The following MTCL1 variants were observed in gnomAD, a reference collection of about 807,000 sequenced individuals.
The protein encoded by MTCL1 is microtubule cross-linking factor 1.
In MTCL1, 79 loss-of-function variants were observed where a neutral mutation model predicts 141.4. That is an observed-to-expected ratio of 0.56 (90% confidence interval 0.47 to 0.67). The LOEUF (loss-of-function observed/expected upper bound fraction) is 0.67, where lower values mean the gene tolerates loss of function less well. Among genes scored for constraint, MTCL1 ranks in the 30% least tolerant of loss-of-function variants. The pLI, the probability that MTCL1 is intolerant of heterozygous loss-of-function variation, is 0.00. For missense variants in MTCL1, 2,177 were observed against 2,113.9 expected (o/e 1.03, Z -0.59); for synonymous variants, 914 against 875.8 (o/e 1.04, Z -0.77).
rs759925127 is a variant in MTCL1 at position 8,786,195 on chromosome 18, G to A, written c.1887+104G>A. Reference sequence around the variant, plus strand: ...CCCGGACGAGGCCCTGAGGGAACATGGCAGGAGGAGGTGGAACTAGGTGGA... The same window carrying A: ...CCCGGACGAGGCCCTGAGGGAACATAGCAGGAGGAGGTGGAACTAGGTGGA... On this transcript the variant is annotated intron_variant, in intron 7 of 16. Transcript: ENST00000359865. 7.6e-5 allele frequency: 99 copies of A among 1,294,182 alleles called. 2 individuals carry two copies. In the African/African-American group the frequency reaches 1.2e-3, roughly 16 times the overall value. 80.2% of individuals were successfully genotyped at this position (1,294,182 alleles called of 1,614,324 possible). A position where few individuals can be genotyped will look rare whatever the true frequency, so the allele number is the denominator to read the frequency against.
At chr18:8,737,862 C>G (rs1391041221) in intron 4 of MTCL1, among the ~76,000 whole-genome samples, 1 of 152,184 alleles carries the variant, frequency 6.6e-6, no homozygotes, top group South Asian at 2.1e-4. Flanking sequence ...GGCCGGTGGG[C>G]TGGCTTTCCT....
chr18:8,789,782 G>A, intron 7 of MTCL1: 1 of 858,536 alleles, frequency 1.2e-6, no homozygotes, highest in Non-Finnish European at 1.4e-6. Context: ...GGGTGGTAAA[G>A]GGAAATATTT....
chr18:8,816,109 T>C (rs180926201), intron 12 of MTCL1, among the ~76,000 whole-genome samples: 2 of 152,352 alleles, frequency 1.3e-5, no homozygotes, highest in Non-Finnish European at 2.9e-5. Flanking sequence ...GAAAAGAGGA[T>C]GTTGGTTCAA....
At chr18:8,760,135 A>T (rs1315204386) in intron 4 of MTCL1, among the ~76,000 whole-genome samples, 1 of 152,142 alleles carries the variant, frequency 6.6e-6, no homozygotes, top group South Asian at 2.1e-4. Flanking sequence ...TCCATCTGGA[A>T]CGCGAGAGCG....
At chr18:8,712,942 A>G (rs11081406), upstream of MTCL1, among the ~76,000 whole-genome samples, 317 of 152,356 alleles carry the variant, frequency 2.1e-3, 2 homozygotes, top group African/African-American at 7.0e-3. Context: ...TGGGTATTTA[A>G]AAGAGATTAA....
chr18:8,805,823 G>A (rs2076280817), intron 10 of MTCL1, among the ~76,000 whole-genome samples: 1 of 152,204 alleles, frequency 6.6e-6, no homozygotes, highest in Non-Finnish European at 1.5e-5. Context: ...TTCCGTGCTG[G>A]TTGGAAGAGA....
intron 4 of MTCL1, among the ~76,000 whole-genome samples, chr18:8,740,788 A>C (rs564747229): frequency 6.6e-6 from 1 of 152,232 alleles, no homozygotes; most frequent in African/African-American, 2.4e-5. Context: ...CGGCTGAAAT[A>C]ACTCAATTTT....
chr18:8,826,514 T>G (rs568357573), intron 15 of MTCL1, among the ~76,000 whole-genome samples: 8 of 152,368 alleles, frequency 5.3e-5, no homozygotes, highest in Admixed American at 5.2e-4. Context: ...TGATCCTTAT[T>G]TATCAGGGCA....
chr18:8,755,164 C>T (rs929043004), intron 4 of MTCL1, among the ~76,000 whole-genome samples: 4 of 152,182 alleles, frequency 2.6e-5, no homozygotes, highest in African/African-American at 4.8e-5. Flanking sequence ...ATGCATAGGA[C>T]GACTGTGGCT....
At chr18:8,785,703 C>T (rs927099326) in intron 6 of MTCL1, 4 of 558,900 alleles carry the variant, frequency 7.2e-6, no homozygotes, top group Non-Finnish European at 1.3e-5. Flanking sequence ...TGTCCACCCG[C>T]CCCTTTGCTC....
chr18:8,781,801 A>C (rs1375089347), intron 5 of MTCL1, among the ~76,000 whole-genome samples: 1 of 152,190 alleles, frequency 6.6e-6, no homozygotes, highest in Admixed American at 6.5e-5. Context: ...GGAGGGGCAA[A>C]GCTAGGACTC....
At chr18:8,746,612 C>T (rs894975999) in intron 4 of MTCL1, among the ~76,000 whole-genome samples, 1 of 152,102 alleles carries the variant, frequency 6.6e-6, no homozygotes, top group Admixed American at 6.5e-5. Context: ...CTTGGTTTTC[C>T]TTCTTGCACG....
chr18:8,786,819 T>C (rs2096557807), intron 7 of MTCL1: 1 of 169,904 alleles, frequency 5.9e-6, no homozygotes, highest in Non-Finnish European at 1.3e-5. Context: ...GAATGCAATG[T>C]CTTGCCATTG....
At chr18:8,749,930 A>G (rs1462613849) in intron 4 of MTCL1, among the ~76,000 whole-genome samples, 3 of 152,236 alleles carry the variant, frequency 2.0e-5, no homozygotes, top group Non-Finnish European at 4.4e-5. Context: ...TAACTTTACT[A>G]CTAAGACTAA....
intron 4 of MTCL1, among the ~76,000 whole-genome samples, chr18:8,777,236 C>T (rs747146546): frequency 6.6e-6 from 1 of 152,250 alleles, no homozygotes; most frequent in African/African-American, 2.4e-5. Flanking sequence ...GAGACTCCAT[C>T]TCAAATAAAA....
intron 4 of MTCL1, 35 bp from the exon 4 acceptor site, chr18:8,777,798 C>T: frequency 6.2e-7 from 1 of 1,605,448 alleles, no homozygotes. Context: ...ACGTGTGAGC[C>T]CTTGGTCACA....
rs1396433632 is a variant in MTCL1, at chr18:8,831,602, T to C, written c.*19-5T>C. On this transcript the variant is annotated splice_polypyrimidine_tract_variant and splice_region_variant and intron_variant, in intron 16 of 16. Coordinates refer to ENST00000359865, the Ensembl canonical transcript of MTCL1. ...TAACCCTGTCTCCCTTTCTCGGCTC[T>C]GAAGGAACTACCTTGTTCTGCACTA... 1 of 1,550,294 alleles carries C rather than the reference T, an allele frequency of 6.5e-7. No individual in the cohort carries two copies. Among genetic ancestry groups the C allele is most frequent in the African/African-American group, 1.4e-5 (1 of 73,160 alleles).
At chr18:8,787,041 C>A (rs759911381) in intron 7 of MTCL1, 1 of 154,356 alleles carries the variant, frequency 6.5e-6, no homozygotes, top group Non-Finnish European at 1.4e-5. Context: ...TCACACATAG[C>A]TGTGTGCAGT....
rs144192495 is a variant in MTCL1, at chr18:8,820,687, G to T, written c.3157-780G>T. On this transcript the variant is annotated intron_variant, in intron 13 of 16. Coordinates refer to ENST00000359865, the Ensembl canonical transcript of MTCL1. ...TTACATAGTAGAGGTAACGTGGGGT[G>T]GGGTCAGGAGCCTGTGCGTGGGTTC... Among the ~76,000 whole-genome samples, 687 of 152,302 alleles carry T rather than the reference G, an allele frequency of 4.5e-3. 6 individuals carry two copies. The highest frequency in any genetic ancestry group is 0.014 in the Middle Eastern group (4 of 294).
Sources: allele counts gnomAD v4.1 joint callset (sites outside exome capture counted in the v4.1 genomes callset), GRCh38; gene constraint gnomAD v4.1.1; transcripts MANE v1.5; gene names NCBI Gene and HGNC (gene_info 2026-07-23, HGNC 2026-07-21).